The following ELP5 variants were observed in gnomAD, a reference collection of about 807,000 sequenced individuals.
ELP5 encodes elongator complex protein 5.
A neutral mutation model predicts 33.4 loss-of-function variants in ELP5; 34 were observed. That is an observed-to-expected ratio of 1.02 (90% CI 0.78 to 1.36). The LOEUF is 1.36. Among genes scored for constraint, ELP5 ranks in the 40% most tolerant of loss-of-function variants. The pLI is 0.00. For synonymous variants in ELP5, 161 were observed against 146.4 expected (o/e 1.10, Z -0.72); for missense variants, 373 against 371.7 (o/e 1.00, Z -0.03).
intron 3 of ELP5, among the ~76,000 whole-genome samples, chr17:7,253,402 A>C (rs543974714): frequency 6.6e-6 from 1 of 152,318 alleles, no homozygotes; most frequent in African/African-American, 2.4e-5. Flanking sequence ...GAAGTGATAG[A>C]GGCCTGGTTT....
chr17:7,253,592 T>C (rs1363817939), intron 3 of ELP5, among the ~76,000 whole-genome samples: 1 of 152,232 alleles, frequency 6.6e-6, no homozygotes, highest in Non-Finnish European at 1.5e-5. Flanking sequence ...TGCTTTCTAC[T>C]TCCTAGTCCC....
At chr17:7,254,011 A>T (rs1319923127) in intron 3 of ELP5, among the ~76,000 whole-genome samples, 1 of 111,644 alleles carries the variant, frequency 9.0e-6, no homozygotes, top group East Asian at 2.4e-4. Flanking sequence ...AAAAAAAAAA[A>T]GCGGGCACTC....
At chr17:7,255,822 G>C (rs1037799002) in intron 4 of ELP5, among the ~76,000 whole-genome samples, 1 of 152,172 alleles carries the variant, frequency 6.6e-6, no homozygotes, top group Non-Finnish European at 1.5e-5. Context: ...AGCACTTGGG[G>C]AGGCCAAGGC....
chr17:7,256,809 A>G, intron 4 of ELP5, 48 bp from the exon 5 acceptor site: 1 of 1,596,880 alleles, frequency 6.3e-7, no homozygotes. Flanking sequence ...CTCCCAGGCC[A>G]CCAACCTGAA....
chr17:7,256,972 C>G lies in ELP5; in HGVS notation c.525C>G (p.Gly175=). The G allele has an allele frequency of 6.2e-7, 1 of 1,612,846 alleles. No individual in the cohort carries two copies. The highest frequency in any genetic ancestry group is 8.5e-7 in the Non-Finnish European group (1 of 1,179,904). ...SSLAQTEVTL[G]GTMGQASAHI... ...TTGCTCAGACTGAGGTGACCCTGGG[C>G]GGTACCATGGGCCAGGCCTCGGCCC... Residue 175 remains glycine (G), a synonymous_variant, in exon 5 of 8, where the codon GGC becomes GGG. Transcript: ENST00000396628.
intron 3 of ELP5, 112 bp downstream of exon 3, chr17:7,253,110 T>C: frequency 1.9e-6 from 2 of 1,030,814 alleles, no homozygotes; most frequent in Non-Finnish European, 3.0e-6. Flanking sequence ...TAAATATTCA[T>C]TGAAGAATTG....
chr17:7,256,218 A>G (rs908126905), intron 4 of ELP5, among the ~76,000 whole-genome samples: 1 of 151,868 alleles, frequency 6.6e-6, no homozygotes, highest in African/African-American at 2.4e-5. Flanking sequence ...GCGTGGTGGC[A>G]CGCGCCTGTA....
intron 5 of ELP5, 82 bp downstream of exon 5, chr17:7,257,120 A>G (rs1392244847): frequency 1.4e-6 from 2 of 1,405,086 alleles, no homozygotes; most frequent in Admixed American, 2.8e-5. Flanking sequence ...GAAAATGCTG[A>G]TGTTTCAAGG....
intron 5 of ELP5, among the ~76,000 whole-genome samples, chr17:7,257,453 G>A (rs572469734): frequency 6.8e-6 from 1 of 146,556 alleles, no homozygotes; most frequent in Non-Finnish European, 1.5e-5. Flanking sequence ...TTTTTTATTG[G>A]ACAAGGTCTC....
chr17:7,256,167 A>T (rs1567592493), intron 4 of ELP5, among the ~76,000 whole-genome samples: 1 of 152,080 alleles, frequency 6.6e-6, no homozygotes, highest in Non-Finnish European at 1.5e-5. Context: ...CCTGGCCAAG[A>T]TGCTGAAACC....
chr17:7,253,295 C>T (rs376950624), intron 3 of ELP5, among the ~76,000 whole-genome samples: 15 of 152,136 alleles, frequency 9.9e-5, no homozygotes, highest in South Asian at 4.1e-4. Context: ...ACATATGTAC[C>T]GAGCACCAAC....
In ELP5 at chr17:7,258,624, G is replaced by C. The variant is rs1225058665; in HGVS notation, c.628G>C (p.Asp210His). The change falls in exon 6 of 8, where the codon GAT becomes CAT. Residue 210 changes from aspartate (D) to histidine (H), a missense_variant. Coordinates refer to ENST00000396628, the MANE Select transcript of ELP5 (RefSeq NM_203414.3). ...WFSILPDFSL[D>H]LQEGPSVESQ... ...CTCCATCCTTCCGGACTTCAGCCTG[G>C]ATCTCCAAGAGGGGCCCTCTGTAGA... The C allele has an allele frequency of 1.2e-6, 2 of 1,614,082 alleles. No homozygotes were observed. The highest frequency in any genetic ancestry group is 1.7e-6 in the Non-Finnish European group (2 of 1,180,034).
chr17:7,253,116 A>C (rs577067115), intron 3 of ELP5, 118 bp downstream of exon 3: 24 of 991,464 alleles, frequency 2.4e-5, no homozygotes, highest in Non-Finnish European at 3.3e-5. Context: ...TTCATTGAAG[A>C]ATTGGATATG....
Position 7,252,931 on chromosome 17 carries a change from C to A in ELP5, c.121C>A (p.His41Asn), listed in dbSNP as rs1482641621. 6.2e-7 allele frequency: 1 copy of A among 1,614,178 alleles called. No homozygotes were observed. Among genetic ancestry groups the A allele is most frequent in the Admixed American group, 1.7e-5 (1 of 60,018 alleles). The change falls in exon 3 of 8, where the codon CAT (histidine) becomes AAT (asparagine). Residue 41 changes from histidine to asparagine, a missense_variant. By Grantham distance (68) the His-to-Asn change is moderately conservative. Transcript: ENST00000396628. ...KKSALCGEQV[H>N]ILGCEVSEEE... ...TCTCTGCCTTAGTGGGGAGCAAGTG[C>A]ATATCCTGGGCTGTGAAGTGAGCGA...
At chr17:7,259,001 G>A (rs772229645) in intron 7 of ELP5, 75 bp downstream of exon 7, 89 of 1,596,518 alleles carry the variant, frequency 5.6e-5, no homozygotes, top group Non-Finnish European at 7.5e-5. Flanking sequence ...TGGGGCAACA[G>A]GTTATTGATT....
At chr17:7,255,733 A>T (rs2072061408) in intron 4 of ELP5, among the ~76,000 whole-genome samples, 1 of 152,158 alleles carries the variant, frequency 6.6e-6, no homozygotes, top group Non-Finnish European at 1.5e-5. Flanking sequence ...AAGTATTAGG[A>T]TGAACCACTA....
chr17:7,252,015 CA>C (rs2071942239), upstream of ELP5: 1 of 192,254 alleles, frequency 5.2e-6, no homozygotes, highest in African/African-American at 2.4e-5. Context: ...TCCCCTTTGA[CA>C]CTACTTCCGG....
rs1166659767 is a variant in ELP5, at chr17:7,252,444, G to A, written c.-107G>A. ...ATTCCAGACTATGTTAGGTCTTAAT[G>A]GTGGGAGGACGCCCGAGTGCTCGGC... On this transcript the variant is annotated 5_prime_UTR_variant, in exon 1 of 8. The change abolishes an upstream ATG in the 5' untranslated region. Transcript: ENST00000396628. 21 of 1,535,998 alleles carry A rather than the reference G, an allele frequency of 1.4e-5. No homozygotes were observed. Among genetic ancestry groups the A allele is most frequent in the Non-Finnish European group, 1.8e-5 (20 of 1,117,386 alleles).
At chr17:7,251,957 C>T (rs1470808573), upstream of ELP5, 1 of 160,408 alleles carries the variant, frequency 6.2e-6, no homozygotes, top group East Asian at 1.9e-4. Flanking sequence ...TGACAGGCGC[C>T]ATTTTACCGT....
Sources: allele counts gnomAD v4.1 joint callset (sites outside exome capture counted in the v4.1 genomes callset), GRCh38; gene constraint gnomAD v4.1.1; transcripts MANE v1.5; gene names NCBI Gene and HGNC (gene_info 2026-07-23, HGNC 2026-07-21).